The following MYO3A variants were observed in gnomAD, a reference collection of about 807,000 sequenced individuals.
The protein encoded by MYO3A is myosin IIIA, also known as myosin-IIIa.
In MYO3A, 180 loss-of-function variants were observed where a neutral mutation model predicts 192.7. The ratio of observed to expected loss-of-function variants is 0.93; its 90% confidence interval spans 0.83 to 1.06. The LOEUF is 1.06. MYO3A is among the 50% of genes least tolerant of loss of function. The probability of loss-of-function intolerance (pLI) is 0.00; values close to 1 mark genes in which losing one functional copy is unlikely to be tolerated. For synonymous variants in MYO3A, 628 were observed against 645.3 expected (o/e 0.97, Z 0.41); for missense variants, 1,896 against 1,905.0 (o/e 1.00, Z 0.09).
rs2132182033 is a variant in MYO3A, at chr10:26,198,187, C to T, written c.4546-3078C>T. Among the ~76,000 whole-genome samples, 2 of 152,164 alleles carry T rather than the reference C, an allele frequency of 1.3e-5. 1 individual carries two copies. The highest frequency in any genetic ancestry group is 4.1e-4 in the South Asian group (2 of 4,820). ...CCTTGGATGTCACTTCTTACAATGG[C>T]GATTCTAGCGGCCTTAAAATCAGTA... On this transcript the variant is annotated intron_variant, in intron 32 of 34. Transcript: ENST00000642920.
intron 4 of MYO3A, among the ~76,000 whole-genome samples, chr10:25,983,776 A>C (rs1839481803): frequency 6.6e-6 from 1 of 152,238 alleles, no homozygotes; most frequent in Admixed American, 6.5e-5. Flanking sequence ...TGGGAAAATC[A>C]TCACAAAAGA....
intron 20 of MYO3A, among the ~76,000 whole-genome samples, chr10:26,138,640 A>G (rs1043510355): frequency 1.3e-5 from 2 of 152,216 alleles, no homozygotes; most frequent in African/African-American, 4.8e-5. Context: ...CTTACTTCGT[A>G]TGCCACAGAG....
At chr10:26,168,455 T>C (rs945539301) in intron 27 of MYO3A, among the ~76,000 whole-genome samples, 1 of 152,196 alleles carries the variant, frequency 6.6e-6, no homozygotes, top group Non-Finnish European at 1.5e-5. Context: ...CCACTCTTAT[T>C]GTCTCATCCA....
At chr10:26,098,881 T>C (rs926256662) in intron 17 of MYO3A, among the ~76,000 whole-genome samples, 3 of 152,144 alleles carry the variant, frequency 2.0e-5, no homozygotes, top group African/African-American at 7.2e-5. Flanking sequence ...CTTAGAATTG[T>C]CTTGGCAATG....
intron 14 of MYO3A, among the ~76,000 whole-genome samples, chr10:26,082,376 C>T (rs1375318274): frequency 1.3e-5 from 2 of 151,990 alleles, no homozygotes; most frequent in Non-Finnish European, 2.9e-5. Context: ...ATTTCTTTTT[C>T]AGTTAGGTTG....
At chr10:25,988,939 C>CTTTTTTTTT (rs56308717) in intron 4 of MYO3A, among the ~76,000 whole-genome samples, 3,558 of 116,116 alleles carry the variant, frequency 0.031, 62 homozygotes, top group Non-Finnish European at 0.05. Flanking sequence ...CCCTAAAACT[C>CTTTTTTTTT]TTTTTTTTTT....
intron 14 of MYO3A, among the ~76,000 whole-genome samples, chr10:26,085,841 T>C (rs1304014015): frequency 6.6e-6 from 1 of 152,222 alleles, no homozygotes; most frequent in African/African-American, 2.4e-5. Context: ...CAGGGAGCTG[T>C]CCTTCCTTCC....
intron 4 of MYO3A, among the ~76,000 whole-genome samples, chr10:25,978,304 A>G (rs1839083340): frequency 6.6e-6 from 1 of 152,242 alleles, no homozygotes; most frequent in African/African-American, 2.4e-5. Context: ...GCAATTTATG[A>G]AAGAAAAAGG....
At chr10:26,052,104 T>A (rs1481553375) in intron 10 of MYO3A, among the ~76,000 whole-genome samples, 1 of 152,188 alleles carries the variant, frequency 6.6e-6, no homozygotes, top group Non-Finnish European at 1.5e-5. Context: ...TGCTTTAGTG[T>A]CCACCTAGAA....
At chr10:25,954,602 T>G (rs1837418011) in intron 3 of MYO3A, among the ~76,000 whole-genome samples, 1 of 152,126 alleles carries the variant, frequency 6.6e-6, no homozygotes, top group Non-Finnish European at 1.5e-5. Context: ...CATAGATGTT[T>G]ACTTATAATT....
At chr10:26,166,561 T>G (rs1841764095) in intron 27 of MYO3A, among the ~76,000 whole-genome samples, 1 of 152,004 alleles carries the variant, frequency 6.6e-6, no homozygotes, top group African/African-American at 2.4e-5. Context: ...ACATTGAAAT[T>G]TAAAAAAAGA....
chr10:26,086,079 A>G (rs534859857), intron 14 of MYO3A, among the ~76,000 whole-genome samples: 2 of 152,278 alleles, frequency 1.3e-5, no homozygotes, highest in East Asian at 1.9e-4. Flanking sequence ...TCACACTGCT[A>G]TAAAGAACTA....
intron 26 of MYO3A, among the ~76,000 whole-genome samples, chr10:26,158,258 T>TA (rs55796811): frequency 0.15 from 21,691 of 147,280 alleles, 1,758 homozygotes; most frequent in East Asian, 0.31. Flanking sequence ...TATTTTATTT[T>TA]TTTTTTTTTT....
At chr10:26,183,734 T>C (rs778098294) in intron 31 of MYO3A, among the ~76,000 whole-genome samples, 6 of 151,960 alleles carry the variant, frequency 3.9e-5, no homozygotes, top group Non-Finnish European at 5.9e-5. Context: ...CAGTTCAGAA[T>C]GGGGCTGGGG....
chr10:26,208,252 G>C (rs1436590816), intron 34 of MYO3A, among the ~76,000 whole-genome samples: 2 of 152,068 alleles, frequency 1.3e-5, no homozygotes, highest in Non-Finnish European at 2.9e-5. Flanking sequence ...GGCATAAGCA[G>C]GTTTTAATTA....
chr10:26,052,420 T>C (rs1373004281), intron 10 of MYO3A, among the ~76,000 whole-genome samples: 1 of 152,188 alleles, frequency 6.6e-6, no homozygotes, highest in African/African-American at 2.4e-5. Flanking sequence ...TGAGCGTTGA[T>C]CCAGTGCTAT....
At chr10:26,088,796 T>C (rs917536951) in intron 15 of MYO3A, among the ~76,000 whole-genome samples, 1 of 152,254 alleles carries the variant, frequency 6.6e-6, no homozygotes. Flanking sequence ...CTTTGTATTC[T>C]ATTCTTCCTA....
intron 2 of MYO3A, among the ~76,000 whole-genome samples, chr10:25,939,604 AGTT>A (rs543519377): frequency 3.9e-4 from 59 of 151,804 alleles, no homozygotes; most frequent in African/African-American, 1.4e-3. Context: ...GCAATTGTAT[AGTT>A]GTTTTTTTTT....
intron 10 of MYO3A, among the ~76,000 whole-genome samples, chr10:26,037,362 A>G (rs369813008): frequency 1.6e-4 from 25 of 152,356 alleles, no homozygotes; most frequent in African/African-American, 5.0e-4. Flanking sequence ...ATGGCTTTAT[A>G]TGTTCAACAG....
Sources: allele counts gnomAD v4.1 joint callset (sites outside exome capture counted in the v4.1 genomes callset), GRCh38; gene constraint gnomAD v4.1.1; transcripts MANE v1.5; gene names NCBI Gene and HGNC (gene_info 2026-07-23, HGNC 2026-07-21).